Variants in RAPGEF1 observed in about 807,000 individuals in gnomAD.
The protein encoded by RAPGEF1 is CRK SH3-binding GNRP.
In RAPGEF1, 33 loss-of-function variants were observed where a neutral mutation model predicts 143.3. The observed-to-expected ratio is 0.23, with a 90% CI of 0.17 to 0.31. RAPGEF1 has a LOEUF of 0.31. Ranked by LOEUF, RAPGEF1 falls within the 10% of genes least tolerant of loss-of-function variation. The pLI is 1.00. For missense variants in RAPGEF1, 1,199 were observed against 1,645.4 expected, an observed-to-expected ratio of 0.73 and a Z score of 4.69; for synonymous variants, 629 against 676.5, an observed-to-expected ratio of 0.93 and a Z score of 1.09.
intron 12 of RAPGEF1, among the ~76,000 whole-genome samples, chr9:131,610,291 A>C (rs966350326): frequency 5.3e-5 from 8 of 152,168 alleles, no homozygotes; most frequent in Non-Finnish European, 1.0e-4. Flanking sequence ...GTGCCAGAGG[A>C]GGCTGTCTGC....
intron 5 of RAPGEF1, among the ~76,000 whole-genome samples, chr9:131,634,487 C>A (rs1269356574): frequency 6.6e-6 from 1 of 151,568 alleles, no homozygotes; most frequent in Non-Finnish European, 1.5e-5. Flanking sequence ...CCTAGGTGGG[C>A]GGATCACTGG....
intron 1 of RAPGEF1, among the ~76,000 whole-genome samples, chr9:131,685,864 A>G (rs1833305590): frequency 6.6e-6 from 1 of 152,188 alleles, no homozygotes; most frequent in Admixed American, 6.5e-5. Flanking sequence ...AGCTACGTGC[A>G]TTTGGACAAA....
chr9:131,643,530 C>G, intron 3 of RAPGEF1, 113 bp from the exon 4 acceptor site: 2 of 1,070,492 alleles, frequency 1.9e-6, no homozygotes, highest in Middle Eastern at 6.0e-4. Flanking sequence ...AATGGAAAGG[C>G]TCTTGCTACA....
intron 1 of RAPGEF1, among the ~76,000 whole-genome samples, chr9:131,696,160 A>G (rs1834158516): frequency 6.6e-6 from 1 of 152,164 alleles, no homozygotes; most frequent in African/African-American, 2.4e-5. Flanking sequence ...GGCTGGCGGA[A>G]GCTACAACAT....
intron 4 of RAPGEF1, among the ~76,000 whole-genome samples, chr9:131,642,542 C>G (rs187680011): frequency 6.6e-6 from 1 of 152,354 alleles, no homozygotes; most frequent in East Asian, 1.9e-4. Flanking sequence ...CTCCTGAACA[C>G]GTGCCTGCTT....
At chr9:131,673,835 A>G (rs986199535) in intron 1 of RAPGEF1, among the ~76,000 whole-genome samples, 1 of 152,218 alleles carries the variant, frequency 6.6e-6, no homozygotes, top group Admixed American at 6.5e-5. Context: ...GGGGCCCATC[A>G]TGTACTCATC....
intron 1 of RAPGEF1, among the ~76,000 whole-genome samples, chr9:131,685,832 T>G (rs981178678): frequency 1.3e-5 from 2 of 152,112 alleles, no homozygotes; most frequent in African/African-American, 4.8e-5. Flanking sequence ...TAGTGGAGTA[T>G]GGAGAAAACT....
intron 1 of RAPGEF1, among the ~76,000 whole-genome samples, chr9:131,685,551 G>A (rs554322106): frequency 2.0e-5 from 3 of 152,326 alleles, no homozygotes; most frequent in African/African-American, 7.2e-5. Flanking sequence ...CAGTTAACTA[G>A]CCCAACCTAT....
At chr9:131,658,137 T>C (rs369673678) in intron 1 of RAPGEF1, among the ~76,000 whole-genome samples, 101 of 152,314 alleles carry the variant, frequency 6.6e-4, no homozygotes, top group African/African-American at 2.3e-3. Context: ...AACAGTCCTC[T>C]AAGAGCAGAA....
At chr9:131,681,404 G>T (rs543022853) in intron 1 of RAPGEF1, among the ~76,000 whole-genome samples, 1 of 152,242 alleles carries the variant, frequency 6.6e-6, no homozygotes, top group African/African-American at 2.4e-5. Flanking sequence ...TACACCCCCA[G>T]ATCAACAGGG....
intron 1 of RAPGEF1, among the ~76,000 whole-genome samples, chr9:131,665,529 T>C (rs544411456): frequency 2.6e-5 from 4 of 151,830 alleles, no homozygotes; most frequent in African/African-American, 9.7e-5. Flanking sequence ...GCAATCAGAG[T>C]AGTCCTTATA....
chr9:131,615,487 T>C (rs1958833059), intron 12 of RAPGEF1, among the ~76,000 whole-genome samples: 1 of 152,160 alleles, frequency 6.6e-6, no homozygotes, highest in Non-Finnish European at 1.5e-5. Flanking sequence ...CAGGGGACGG[T>C]TGGAGGGACT....
At chr9:131,627,088 C>T (rs1200602113) in intron 9 of RAPGEF1, among the ~76,000 whole-genome samples, 1 of 151,974 alleles carries the variant, frequency 6.6e-6, no homozygotes, top group Non-Finnish European at 1.5e-5. Context: ...GTGGCACACA[C>T]CTGTAATCCC....
chr9:131,647,084 G>A (rs3780260), intron 3 of RAPGEF1, among the ~76,000 whole-genome samples: 32,679 of 152,142 alleles, frequency 0.21, 4,150 homozygotes, highest in Non-Finnish European at 0.29. Flanking sequence ...TGGACACCCA[G>A]TATATGGCTA....
rs918329867 is a variant in RAPGEF1, at chr9:131,603,890, G to A, written c.2412+71C>T. On this transcript the variant is annotated intron_variant, in intron 14 of 26. Transcript: ENST00000683357. ...CAACAGAAGCAGGTGCGGGGGAAGC[G>A]GCCTCGGGAGGGCAGAGCCCAAGCC... 24 of 954,016 alleles carry A rather than the reference G, an allele frequency of 2.5e-5. 1 individual carries two copies. The highest frequency in any genetic ancestry group is 1.3e-4 in the East Asian group (2 of 15,138). 59.1% of individuals were successfully genotyped at this position (954,016 alleles called of 1,614,324 possible).
chr9:131,588,165 C>A (rs910100247), intron 20 of RAPGEF1, 139 bp from the exon 21 acceptor site: 1 of 708,494 alleles, frequency 1.4e-6, no homozygotes, highest in African/African-American at 1.8e-5. Flanking sequence ...GCGGGGAAGC[C>A]CCAAAAGGCT....
At chr9:131,713,613 A>G (rs1408833684) in intron 1 of RAPGEF1, among the ~76,000 whole-genome samples, 1 of 152,208 alleles carries the variant, frequency 6.6e-6, no homozygotes, top group Non-Finnish European at 1.5e-5. Flanking sequence ...ATTCATGTGT[A>G]CCATTATGCT....
rs369309425 is a variant in RAPGEF1, at chr9:131,702,443, C to T, written c.61+37327G>A. On this transcript the variant is annotated intron_variant, in intron 1 of 26. Coordinates refer to ENST00000683357, the MANE Select transcript of RAPGEF1 (RefSeq NM_001377935.1). ...ATTTTATAACAAAATGGATTCTTAA[C>T]ACCGATAATGGCTTTTGAACTTCCC... Among the ~76,000 whole-genome samples, 3 of 152,216 alleles carry T rather than the reference C, an allele frequency of 2.0e-5. No homozygotes were observed. In the East Asian group the frequency reaches 5.8e-4, roughly 29 times the overall value.
intron 1 of RAPGEF1, among the ~76,000 whole-genome samples, chr9:131,733,183 G>T (rs1170394560): frequency 6.6e-6 from 1 of 151,958 alleles, no homozygotes; most frequent in Non-Finnish European, 1.5e-5. Flanking sequence ...CCCATTAGTG[G>T]TTACCTAATG....
Sources: allele counts gnomAD v4.1 joint callset (sites outside exome capture counted in the v4.1 genomes callset), GRCh38; gene constraint gnomAD v4.1.1; transcripts MANE v1.5; gene names NCBI Gene and HGNC (gene_info 2026-07-23, HGNC 2026-07-21).